The following SEC14L5 variants were observed in gnomAD, a reference collection of about 807,000 sequenced individuals.
SEC14L5 encodes the protein SEC14-like protein 5.
Under a neutral mutation model 84.6 loss-of-function variants are expected in SEC14L5, and 96 were observed. That is an observed-to-expected ratio of 1.13 (90% CI 0.96 to 1.34). The LOEUF is 1.34. Among genes scored for constraint, SEC14L5 ranks in the 40% most tolerant of loss-of-function variants. The pLI is 0.00. For synonymous variants in SEC14L5, 546 were observed against 383.4 expected, an observed-to-expected ratio of 1.42 and a Z score of -4.95; for missense variants, 1,224 against 942.5, an observed-to-expected ratio of 1.30 and a Z score of -3.91.
intron 2 of SEC14L5, among the ~76,000 whole-genome samples, chr16:4,969,395 T>G (rs1444331345): frequency 6.6e-6 from 1 of 152,166 alleles, no homozygotes; most frequent in Non-Finnish European, 1.5e-5. Context: ...ACTTTCTTTT[T>G]TTTTTTTGAG....
At position 5,000,725 on chromosome 16, in the gene SEC14L5, G is replaced by C. The variant is rs759490308; in HGVS notation, c.1041G>C (p.Glu347Asp). The C allele has an allele frequency of 6.4e-7, 1 of 1,552,616 alleles. No homozygotes were observed. Among genetic ancestry groups the C allele is most frequent in the Admixed American group, 2.0e-5 (1 of 51,060 alleles). ...DTKGLMKAVG[E>D]EALLRHVLSV... Reference sequence around the variant, plus strand: ...AAGGCTTGATGAAGGCCGTGGGGGAGGAGGCGCTGCTGCGGCATGTGAGTC... The same window carrying C: ...AAGGCTTGATGAAGGCCGTGGGGGACGAGGCGCTGCTGCGGCATGTGAGTC... Residue 347 changes from glutamate to aspartate, a missense_variant, in exon 9 of 16, where the codon GAG becomes GAC. Glu to Asp is a conservative substitution (Grantham distance 45, BLOSUM62 2). Coordinates refer to ENST00000251170, the MANE Select transcript of SEC14L5 (RefSeq NM_014692.2).
chr16:5,011,392 A>G, intron 15 of SEC14L5, 119 bp downstream of exon 15: 1 of 1,020,116 alleles, frequency 9.8e-7, no homozygotes, highest in Non-Finnish European at 1.4e-6. Context: ...GGACCCCAGC[A>G]TGGGTATGGT....
chr16:4,965,190 C>G (rs1182913460), intron 2 of SEC14L5, among the ~76,000 whole-genome samples: 1 of 152,182 alleles, frequency 6.6e-6, no homozygotes, highest in East Asian at 1.9e-4. Flanking sequence ...TGTATAGATT[C>G]TGCCTTGTTT....
chr16:4,998,415 C>T (rs1955636871), intron 8 of SEC14L5, among the ~76,000 whole-genome samples: 2 of 151,974 alleles, frequency 1.3e-5, no homozygotes, highest in Admixed American at 6.6e-5. Flanking sequence ...AAGCCTGTGC[C>T]TACGACACTT....
At chr16:5,005,880 A>AAAAG (rs1955725650) in intron 11 of SEC14L5, 34 bp from the exon 12 acceptor site, 1 of 1,511,938 alleles carries the variant, frequency 6.6e-7, no homozygotes, top group South Asian at 1.3e-5. Flanking sequence ...AAAAAAAAAA[A>AAAAG]AACCATCCAT....
intron 13 of SEC14L5, 54 bp downstream of exon 13, chr16:5,007,540 G>T: frequency 6.4e-7 from 1 of 1,551,696 alleles, no homozygotes; most frequent in South Asian, 1.1e-5. Context: ...TGTCGTCTTA[G>T]GTCAGGTGAC....
Position 5,011,238 on chromosome 16 carries a change from C to T in SEC14L5, c.1944C>T (p.Leu648=). 1.2e-6 allele frequency: 2 copies of T among 1,613,902 alleles called. No individual in the cohort carries two copies. The highest frequency in any genetic ancestry group is 1.7e-6 in the Non-Finnish European group (2 of 1,179,882). ...LHSPGPKCKL[L]YYCEVLASED... ...GCCCCGGGCCCAAGTGCAAACTTCT[C>T]TACTACTGTGAGGTGCTCGCCTCTG... is the stretch of plus-strand genomic sequence containing the variant. The change falls in exon 15 of 16, where the codon CTC becomes CTT. Residue 648 remains leucine, a synonymous_variant. Transcript: ENST00000251170.
Position 4,988,262 on chromosome 16 carries a change from C to T in SEC14L5, c.327C>T (p.Asn109=), listed in dbSNP as rs375401992. ...CCTTCGCCAACCGCGTGGTGGTGAA[C>T]GAGCACTGCAGCTACACGGTGAGCC... ...NETFANRVVV[N]EHCSYTVHPE... The change falls in exon 4 of 16, where the codon AAC becomes AAT. Residue 109 remains asparagine (N), a synonymous_variant. Coordinates refer to ENST00000251170, the MANE Select transcript of SEC14L5 (RefSeq NM_014692.2). 18 of 1,613,646 alleles carry T rather than the reference C, an allele frequency of 1.1e-5. No individual in the cohort carries two copies. In the African/African-American group the frequency reaches 2.1e-4, roughly 19 times the overall value.
chr16:4,976,681 C>G (rs1198538468), intron 2 of SEC14L5, among the ~76,000 whole-genome samples: 1 of 152,152 alleles, frequency 6.6e-6, no homozygotes, highest in Non-Finnish European at 1.5e-5. Context: ...CCTGCTTGGT[C>G]CCTGCCTGCC....
chr16:5,010,819 T>G, intron 14 of SEC14L5: 1 of 435,202 alleles, frequency 2.3e-6, no homozygotes, highest in East Asian at 3.4e-5. Context: ...TCCAGGTGTT[T>G]AAGCACCTCT....
rs771646356 is a variant in SEC14L5, at chr16:5,005,893, T to G, written c.1303-21T>G. On this transcript the variant is annotated intron_variant, in intron 11 of 15. Coordinates refer to ENST00000251170, the MANE Select transcript of SEC14L5 (RefSeq NM_014692.2). ...AAAAAAAAAAAAAAACCATCCATCT[T>G]GCCTTATGTCCTGGTTTCAGATCAG... The G allele has an allele frequency of 5.5e-5, 78 of 1,417,146 alleles. 2 individuals are homozygous for G. In the South Asian group the frequency reaches 8.3e-4, roughly 15 times the overall value. The allele number at this position is 1,417,146 out of a possible 1,614,324, so 87.8% of individuals were successfully genotyped here.
Position 4,968,823 on chromosome 16 carries a change from A to G in SEC14L5, c.63+9437A>G, listed in dbSNP as rs550461679. On this transcript the variant is annotated intron_variant, in intron 2 of 15. Coordinates refer to ENST00000251170, the MANE Select transcript of SEC14L5 (RefSeq NM_014692.2). ...CCTAAGCAAAAGGCTTTTCCTGTGG[A>G]GGAAGGGTTACGGAGGTAAGGTTCT... 5.3e-5 allele frequency among the ~76,000 whole-genome samples: 8 copies of G among 152,358 alleles called. No homozygotes were observed. In the South Asian group the frequency reaches 1.2e-3, roughly 24 times the overall value.
intron 9 of SEC14L5, 53 bp from the exon 10 acceptor site, chr16:5,000,802 T>C: frequency 6.4e-7 from 1 of 1,566,656 alleles, no homozygotes; most frequent in Non-Finnish European, 8.7e-7. Context: ...GGAAGGACTG[T>C]GTGGGGTAAA....
chr16:4,982,216 C>T (rs921039966), intron 2 of SEC14L5, among the ~76,000 whole-genome samples: 1 of 152,038 alleles, frequency 6.6e-6, no homozygotes, highest in African/African-American at 2.4e-5. Flanking sequence ...CGGCCCCCCC[C>T]TCCCCCCGCC....
rs548455012 is a variant in SEC14L5, at chr16:5,017,687, A to C, written c.*2717A>C. The C allele has an allele frequency of 6.6e-6, 1 of 152,220 alleles. No homozygotes were observed. The highest frequency in any genetic ancestry group is 2.4e-5 in the African/African-American group (1 of 41,438). The allele number at this position is 152,220 out of a possible 1,614,324, so 9.4% of individuals were successfully genotyped here. The stretch of plus-strand genomic sequence containing the variant: ...AGGATTGGGGAGGGCCATTCCCCCA[A>C]TGGACAAGAGAAGCTGGACCACAGA... On this transcript the variant is annotated 3_prime_UTR_variant, in exon 16 of 16. Coordinates refer to ENST00000251170, the MANE Select transcript of SEC14L5 (RefSeq NM_014692.2).
At position 4,991,846 on chromosome 16, in the gene SEC14L5, G is replaced by T. The variant is rs1955556278; in HGVS notation, c.483G>T (p.Glu161Asp). Reference sequence around the variant, plus strand: ...GTCTCTCTGGCTTCCAGGGGAAGGAGGTGATTGAGCATTACCTGAATGAGC... The same window carrying T: ...GTCTCTCTGGCTTCCAGGGGAAGGATGTGATTGAGCATTACCTGAATGAGC... ...QYTANVKRGK[E>D]VIEHYLNELI... Residue 161 changes from glutamate (E) to aspartate (D), a missense_variant, in exon 6 of 16, where the codon GAG (glutamate) becomes GAT (aspartate). Physicochemically the swap from Glu to Asp is conservative, Grantham distance 45 (BLOSUM62 2). Coordinates refer to ENST00000251170, the MANE Select transcript of SEC14L5 (RefSeq NM_014692.2). 2.5e-6 allele frequency: 4 copies of T among 1,604,196 alleles called. No individual in the cohort carries two copies. The highest frequency in any genetic ancestry group is 1.1e-5 in the South Asian group (1 of 89,522).
intron 2 of SEC14L5, among the ~76,000 whole-genome samples, chr16:4,962,196 A>G (rs1955131319): frequency 6.6e-6 from 1 of 151,814 alleles, no homozygotes; most frequent in African/African-American, 2.4e-5. Context: ...AAAGAAAAAA[A>G]GAAAAGAAAA....
chr16:5,008,369 C>G (rs1282453966), intron 13 of SEC14L5, 52 bp from the exon 14 acceptor site: 3 of 1,362,848 alleles, frequency 2.2e-6, no homozygotes, highest in Admixed American at 2.0e-5. Flanking sequence ...GTTCCCCACC[C>G]CAGCTCTACT....
intron 2 of SEC14L5, among the ~76,000 whole-genome samples, chr16:4,966,563 C>T (rs563690988): frequency 9.9e-5 from 15 of 152,270 alleles, no homozygotes; most frequent in East Asian, 5.8e-4. Flanking sequence ...CGTGAGCCAC[C>T]GTGCCCAGCC....
Sources: allele counts gnomAD v4.1 joint callset (sites outside exome capture counted in the v4.1 genomes callset), GRCh38; gene constraint gnomAD v4.1.1; transcripts MANE v1.5; gene names NCBI Gene and HGNC (gene_info 2026-07-23, HGNC 2026-07-21).